The following MYO9A variants were observed in gnomAD, a reference collection of about 807,000 sequenced individuals.
MYO9A encodes myosin IXA.
MYO9A carries 103 observed loss-of-function variants against 293.3 expected under a neutral mutation model. That is an observed-to-expected ratio of 0.35 (90% CI 0.30 to 0.41). MYO9A has a LOEUF of 0.41. MYO9A is among the 10% of genes least tolerant of loss of function. The pLI is 1.00. For synonymous variants in MYO9A, 1,001 were observed against 1,035.7 expected, an observed-to-expected ratio of 0.97 and a Z score of 0.64; for missense variants, 2,685 against 3,033.0, an observed-to-expected ratio of 0.89 and a Z score of 2.69.
chr15:71,977,834 G>A (rs879559443), intron 12 of MYO9A, among the ~76,000 whole-genome samples: 7 of 152,078 alleles, frequency 4.6e-5, no homozygotes, highest in South Asian at 2.1e-4. Flanking sequence ...TCAGGCGATC[G>A]AGACCATCCT....
At chr15:71,917,928 T>C (rs191476810) in intron 18 of MYO9A, among the ~76,000 whole-genome samples, 102 of 152,222 alleles carry the variant, frequency 6.7e-4, no homozygotes, top group African/African-American at 2.4e-3. Flanking sequence ...ACAATCTGAA[T>C]TAAGGAAATG....
At chr15:71,851,747 A>C (rs903240008) in intron 36 of MYO9A, among the ~76,000 whole-genome samples, 2 of 152,222 alleles carry the variant, frequency 1.3e-5, no homozygotes, top group African/African-American at 4.8e-5. Context: ...CTAAACTCTG[A>C]AACCTGTTAA....
intron 39 of MYO9A, among the ~76,000 whole-genome samples, chr15:71,843,662 TG>T (rs1207594953): frequency 3.9e-5 from 6 of 152,104 alleles, no homozygotes; most frequent in Admixed American, 3.9e-4. Flanking sequence ...CTAATTTTTT[TG>T]TATTTTTGGT....
chr15:71,942,917 A>G (rs1037052586), intron 15 of MYO9A, among the ~76,000 whole-genome samples: 1 of 152,030 alleles, frequency 6.6e-6, no homozygotes, highest in Non-Finnish European at 1.5e-5. Context: ...GCTCAACTAA[A>G]TTTTTAAAAT....
intron 32 of MYO9A, among the ~76,000 whole-genome samples, chr15:71,867,296 T>C (rs779543146): frequency 6.6e-5 from 10 of 152,128 alleles, no homozygotes; most frequent in African/African-American, 1.2e-4. Context: ...CACTAAATTA[T>C]TGGAAGAAAA....
Position 72,008,436 on chromosome 15 carries a change from G to GGTGTGTGTGTGT in MYO9A, c.1254-496_1254-485dup, listed in dbSNP as rs57267628. Among the ~76,000 whole-genome samples the GGTGTGTGTGTGT allele has an allele frequency of 4.8e-3, 668 of 138,816 alleles. 4 individuals carry two copies. The highest frequency in any genetic ancestry group is 0.011 in the Middle Eastern group (3 of 264). The allele number at this position is 138,816 out of a possible 152,430, so 91.1% of individuals were successfully genotyped here. ...CATAGTATGGTGTTTGAGGTAAATG[G>GGTGTGTGTGTGT]GTGTGTGTGTGTGTGTGTGTGTGTG... is the stretch of plus-strand genomic sequence containing the variant. On this transcript the variant is annotated intron_variant, in intron 7 of 41. Transcript: ENST00000356056.
rs28643497 is a variant in MYO9A, at chr15:71,932,589, A to G, written c.2562+1081T>C. Reference sequence around the variant, plus strand: ...AGCCTAGAGAGGAGCCCAATCCTCAAACAATGGCTAGAGAAGTATACAGAC... The same window carrying G: ...AGCCTAGAGAGGAGCCCAATCCTCAGACAATGGCTAGAGAAGTATACAGAC... On this transcript the variant is annotated intron_variant, in intron 18 of 41. Coordinates refer to ENST00000356056, the MANE Select transcript of MYO9A (RefSeq NM_006901.4). 5.6e-3 allele frequency among the ~76,000 whole-genome samples: 851 copies of G among 151,550 alleles called. 12 individuals carry two copies. Among genetic ancestry groups the G allele is most frequent in the African/African-American group, 0.019 (796 of 41,252 alleles).
chr15:71,896,371 G>T (rs1050575883), intron 25 of MYO9A, among the ~76,000 whole-genome samples: 1 of 152,074 alleles, frequency 6.6e-6, no homozygotes, highest in Non-Finnish European at 1.5e-5. Context: ...AGAACCAAAA[G>T]AATCTACCAA....
At chr15:71,889,120 C>G (rs1348080719) in intron 26 of MYO9A, among the ~76,000 whole-genome samples, 1 of 152,058 alleles carries the variant, frequency 6.6e-6, no homozygotes, top group African/African-American at 2.4e-5. Context: ...GACTAGAGAC[C>G]AAAAGACAGA....
intron 24 of MYO9A, 85 bp downstream of exon 24, chr15:71,899,602 C>T: frequency 8.3e-7 from 1 of 1,198,326 alleles, no homozygotes. Context: ...AATTCTAATA[C>T]AAATTAGACA....
chr15:72,022,411 T>C (rs1384040046), intron 4 of MYO9A, among the ~76,000 whole-genome samples: 1 of 151,728 alleles, frequency 6.6e-6, no homozygotes, highest in Non-Finnish European at 1.5e-5. Context: ...TCCCAGCTAC[T>C]CTGGGAGGCT....
At chr15:71,911,775 G>T (rs2057858976) in intron 19 of MYO9A, among the ~76,000 whole-genome samples, 1 of 152,160 alleles carries the variant, frequency 6.6e-6, no homozygotes, top group African/African-American at 2.4e-5. Flanking sequence ...TACCTGCTTT[G>T]AAAGTTTGGT....
intron 39 of MYO9A, among the ~76,000 whole-genome samples, chr15:71,835,892 G>T (rs972055794): frequency 2.0e-5 from 3 of 151,988 alleles, no homozygotes; most frequent in African/African-American, 7.2e-5. Context: ...TTGGTACAAA[G>T]ATAGTCAAAA....
chr15:71,849,722 CCACAGT>C (rs1567194670), intron 38 of MYO9A, among the ~76,000 whole-genome samples: 1 of 133,952 alleles, frequency 7.5e-6, no homozygotes, highest in Non-Finnish European at 1.7e-5. Flanking sequence ...GCCATTAAGA[CCACAGT>C]TAGACTAGAT....
chr15:72,041,794 A>G (rs538933220), intron 2 of MYO9A: 11 of 152,626 alleles, frequency 7.2e-5, no homozygotes, highest in African/African-American at 2.4e-4. Flanking sequence ...CAATAAGGGA[A>G]TATTATATAA....
At chr15:72,072,124 C>A (rs537404366) in intron 1 of MYO9A, among the ~76,000 whole-genome samples, 79 of 149,338 alleles carry the variant, frequency 5.3e-4, no homozygotes, top group African/African-American at 1.9e-3. Flanking sequence ...AAAAAAGATA[C>A]CTACATTCTT....
intron 1 of MYO9A, among the ~76,000 whole-genome samples, chr15:72,076,273 C>A (rs1405263431): frequency 1.3e-5 from 2 of 150,378 alleles, no homozygotes; most frequent in Non-Finnish European, 3.0e-5. Flanking sequence ...CCACTGCACT[C>A]CAGCCTGGGC....
rs769826890 is a variant in MYO9A at position 72,046,045 on chromosome 15, T to C, written c.519A>G (p.Glu173=). The C allele has an allele frequency of 1.9e-6, 3 of 1,613,238 alleles. No homozygotes were observed. Among genetic ancestry groups the C allele is most frequent in the East Asian group, 4.5e-5 (2 of 44,884 alleles). Residue 173 remains glutamate, a synonymous_variant, in exon 2 of 42, where the codon GAA becomes GAG. Transcript: ENST00000356056. ...LENLRNRFKH[E]KIYTYVGSIL... ...TACTGCCAACATAGGTATAAATTTT[T>C]TCATGCTTAAAGCGATTTCGTAGGT...
chr15:71,857,320 A>C (rs911130869), intron 34 of MYO9A, among the ~76,000 whole-genome samples: 2 of 152,156 alleles, frequency 1.3e-5, no homozygotes, highest in Non-Finnish European at 2.9e-5. Flanking sequence ...TTTTTGTTTC[A>C]TAGTTATTTT....
Sources: gnomAD v4.1 joint callset for allele counts (sites outside exome capture counted in the v4.1 genomes callset) on GRCh38, gnomAD v4.1.1 for gene constraint, MANE v1.5 for transcripts, NCBI Gene and HGNC (gene_info 2026-07-23, HGNC 2026-07-21) for gene names.